PPP2R2C: variants seen among roughly 807,000 people sequenced by gnomAD.
PPP2R2C encodes protein phosphatase 2, regulatory subunit B, gamma.
A neutral mutation model predicts 45.3 loss-of-function variants in PPP2R2C; 10 were observed. The observed-to-expected ratio is 0.22, with a 90% CI of 0.14 to 0.37. The LOEUF is 0.37. PPP2R2C is among the 10% of genes least tolerant of loss of function. The pLI, the probability that PPP2R2C is intolerant of heterozygous loss-of-function variation, is 1.00. For missense variants in PPP2R2C, 308 were observed against 619.7 expected (o/e 0.50, Z 5.34); for synonymous variants, 257 against 245.4 (o/e 1.05, Z -0.44).
Position 6,324,413 on chromosome 4 carries a change from A to G in PPP2R2C, c.1053-820T>C, listed in dbSNP as rs1398517903. Among the ~76,000 whole-genome samples, 1 of 150,808 alleles carries G rather than the reference A, an allele frequency of 6.6e-6. No individual in the cohort carries two copies. Among genetic ancestry groups the G allele is most frequent in the Non-Finnish European group, 1.5e-5 (1 of 67,860 alleles). On this transcript the variant is annotated intron_variant, in intron 8 of 8. Transcript: ENST00000382599. This position sits in a 1 kb window ranked among gnomAD's most constrained non-coding sequence, Gnocchi z 4.1. Reference sequence around the variant, plus strand: ...GCCACTGCACTCCAGCCTGGGCAATAAGAGCAAAACTCCGTCTCGAAAAAA... The same window carrying G: ...GCCACTGCACTCCAGCCTGGGCAATGAGAGCAAAACTCCGTCTCGAAAAAA...
In PPP2R2C at chr4:6,329,183, C is replaced by T. The variant is rs988744005; in HGVS notation, c.1052+79G>A. On this transcript the variant is annotated intron_variant, in intron 8 of 8. Coordinates refer to ENST00000382599, the MANE Select transcript of PPP2R2C (RefSeq NM_020416.4). The surrounding 1 kb of genome is among the most constrained non-coding windows in gnomAD (Gnocchi z 5.8). ...TGAGTAGCCCCATGCTGCGGGTCAC[C>T]GGAATCCCAGCCCAGACCCCTGCAG... The T allele has an allele frequency of 5.3e-5, 74 of 1,395,680 alleles. No individual in the cohort carries two copies. The African/African-American group carries it at 7.8e-4, about 15-fold the overall frequency. The allele number at this position is 1,395,680 out of a possible 1,614,324, so 86.5% of individuals were successfully genotyped here.
intron 1 of PPP2R2C, among the ~76,000 whole-genome samples, chr4:6,403,399 A>G (rs1161103583): frequency 2.0e-5 from 3 of 152,124 alleles, no homozygotes; most frequent in Non-Finnish European, 4.4e-5. Context: ...ATTTGATTAG[A>G]AAAAAAGAAA....
intron 2 of PPP2R2C, chr4:6,379,990 C>A (rs2109311295): frequency 6.6e-6 from 1 of 152,356 alleles, no homozygotes; most frequent in East Asian, 1.9e-4. Flanking sequence ...CTTCTCTTCT[C>A]CTCCTCCCCT....
Position 6,522,605 on chromosome 4 carries a change from T to A in PPP2R2C, c.49+12666A>T, listed in dbSNP as rs561992704. The stretch of plus-strand genomic sequence containing the variant: ...GGTGGATTCCCCCACAGGAACCACA[T>A]TGAGCACTGAGTTCTGCTCAAATGT... On this transcript the variant is annotated intron_variant, in intron 2 of 9. Transcript: ENST00000506140. 8.5e-5 allele frequency among the ~76,000 whole-genome samples: 13 copies of A among 152,382 alleles called. No individual in the cohort carries two copies. The South Asian group carries it at 2.5e-3, about 29-fold the overall frequency.
At position 6,381,060 on chromosome 4, in the gene PPP2R2C, C is replaced by T. The variant is rs766852399; in HGVS notation, c.105G>A (p.Thr35=). Reference sequence around the variant, plus strand: ...TGTCACCTGTGGCCAGCAGCTCTCCCGTGTGGTTGAACTCAACGGTAGAGA... The same window carrying T: ...TGTCACCTGTGGCCAGCAGCTCTCCTGTGTGGTTGAACTCAACGGTAGAGA... ...DIISTVEFNH[T]GELLATGDKG... is the part of the protein sequence containing the mutation. The change falls in exon 2 of 9, where the codon ACG becomes ACA. Residue 35 remains threonine, a synonymous_variant. Coordinates refer to ENST00000382599, the MANE Select transcript of PPP2R2C (RefSeq NM_020416.4). The T allele has an allele frequency of 5.0e-6, 8 of 1,593,642 alleles. No individual in the cohort carries two copies. Among genetic ancestry groups the T allele is most frequent in the Admixed American group, 1.7e-5 (1 of 58,824 alleles).
chr4:6,370,558 T>G (rs1714724265), intron 5 of PPP2R2C, among the ~76,000 whole-genome samples: 1 of 152,176 alleles, frequency 6.6e-6, no homozygotes, highest in Non-Finnish European at 1.5e-5. Flanking sequence ...AGATGCCATT[T>G]AGGGTCCTAG....
chr4:6,331,188 A>G lies in PPP2R2C; in HGVS notation c.961-1835T>C, dbSNP rs2109167942. Among the ~76,000 whole-genome samples the G allele has an allele frequency of 6.6e-6, 1 of 152,306 alleles. No homozygotes were observed. The highest frequency in any genetic ancestry group is 1.9e-4 in the East Asian group (1 of 5,182). ...TGGTGATGCACGCGTCCAAATGCGC[A>G]TGCTGTTCTCTCTGCCGTGCACTAA... On this transcript the variant is annotated intron_variant, in intron 7 of 8. Coordinates refer to ENST00000382599, the MANE Select transcript of PPP2R2C (RefSeq NM_020416.4). The surrounding 1 kb of genome is among the most constrained non-coding windows in gnomAD (Gnocchi z 5.9).
intron 1 of PPP2R2C, among the ~76,000 whole-genome samples, chr4:6,554,946 A>G (rs542968418): frequency 0.078 from 10,064 of 128,672 alleles, 395 homozygotes; most frequent in East Asian, 0.12. Context: ...AAAGAAAGAA[A>G]GAAAGAAAGA....
intron 2 of PPP2R2C, among the ~76,000 whole-genome samples, chr4:6,508,448 G>T (rs894549932): frequency 7.9e-5 from 12 of 152,142 alleles, no homozygotes; most frequent in Admixed American, 3.3e-4. Context: ...AATTAGCTGG[G>T]CATAGTGGCG....
At chr4:6,469,005 G>T (rs967626094) in intron 1 of PPP2R2C, among the ~76,000 whole-genome samples, 3 of 138,384 alleles carry the variant, frequency 2.2e-5, no homozygotes, top group South Asian at 2.3e-4. Context: ...TGGCCTGCAG[G>T]TACACCTAAT....
chr4:6,417,226 A>G (rs1391865840), intron 1 of PPP2R2C, among the ~76,000 whole-genome samples: 1 of 152,236 alleles, frequency 6.6e-6, no homozygotes, highest in Non-Finnish European at 1.5e-5. Flanking sequence ...AGGAGGGAGT[A>G]AGAGAAAAGG....
chr4:6,485,718 CCTT>C (rs1722507790), intron 2 of PPP2R2C, among the ~76,000 whole-genome samples: 1 of 151,820 alleles, frequency 6.6e-6, no homozygotes, highest in South Asian at 2.1e-4. Context: ...ACTAATGTCA[CCTT>C]CTCATTCTTG....
At chr4:6,527,539 C>CACTCCTCAACACCATGAGAACACAGCCCT (rs1724254542) in intron 2 of PPP2R2C, among the ~76,000 whole-genome samples, 2 of 152,232 alleles carry the variant, frequency 1.3e-5, no homozygotes, top group Non-Finnish European at 2.9e-5. Context: ...AACACAGCCC[C>CACTCCTCAACACCATGAGAACACAGCCCT]ACTCCTCAAC....
intron 2 of PPP2R2C, among the ~76,000 whole-genome samples, chr4:6,492,639 C>A (rs1722732811): frequency 6.6e-6 from 1 of 152,140 alleles, no homozygotes; most frequent in Non-Finnish European, 1.5e-5. Flanking sequence ...GACTGGAGCC[C>A]TCATCCCTAC....
Position 6,442,137 on chromosome 4 carries a change from T to G in PPP2R2C, c.70+30023A>C, listed in dbSNP as rs189530273. 7.2e-5 allele frequency among the ~76,000 whole-genome samples: 11 copies of G among 152,318 alleles called. No individual in the cohort carries two copies. The East Asian group carries it at 2.1e-3, about 29-fold the overall frequency. On this transcript the variant is annotated intron_variant, in intron 1 of 8. Coordinates refer to ENST00000382599, the MANE Select transcript of PPP2R2C (RefSeq NM_020416.4). ...GCCAGTGCCTTGGGTGGACCCAGGA[T>G]GAGGACTCTGTGGCCTGATCTATGG...
chr4:6,561,750 A>G (rs1218677831), intron 1 of PPP2R2C, among the ~76,000 whole-genome samples: 1 of 152,150 alleles, frequency 6.6e-6, no homozygotes, highest in Non-Finnish European at 1.5e-5. Flanking sequence ...TTTAGAACCC[A>G]GGGACTGACT....
chr4:6,542,617 T>C (rs1295260562), intron 1 of PPP2R2C, among the ~76,000 whole-genome samples: 1 of 150,348 alleles, frequency 6.7e-6, no homozygotes, highest in Non-Finnish European at 1.5e-5. Flanking sequence ...GCAGGGAGAA[T>C]TGCTTGAACC....
At chr4:6,512,461 G>A (rs1723657429) in intron 2 of PPP2R2C, among the ~76,000 whole-genome samples, 1 of 125,462 alleles carries the variant, frequency 8.0e-6, no homozygotes, top group Non-Finnish European at 1.7e-5. Flanking sequence ...GGTGGTGGTG[G>A]TGATTATGGT....
chr4:6,432,003 T>TC (rs1293617763), intron 1 of PPP2R2C, among the ~76,000 whole-genome samples: 1 of 152,178 alleles, frequency 6.6e-6, no homozygotes, highest in Non-Finnish European at 1.5e-5. Flanking sequence ...AAGCCACTGA[T>TC]CCCATAAATG....
Sources: gnomAD v4.1 joint callset for allele counts (sites outside exome capture counted in the v4.1 genomes callset) on GRCh38, gnomAD v4.1.1 for gene constraint, Gnocchi (gnomAD v3.1) non-coding constraint, MANE v1.5 for transcripts, NCBI Gene and HGNC (gene_info 2026-07-23, HGNC 2026-07-21) for gene names.